The following CTNNA2 variants were observed in gnomAD, a reference collection of about 807,000 sequenced individuals.
CTNNA2 encodes the protein catenin alpha 2, also known as catenin alpha-2.
In CTNNA2, 42 loss-of-function variants were observed where a neutral mutation model predicts 101.0. The ratio of observed to expected loss-of-function variants is 0.42; its 90% CI spans 0.32 to 0.54. CTNNA2 has a LOEUF of 0.54. CTNNA2 is among the 20% of genes least tolerant of loss of function. CTNNA2 has a pLI of 0.14. For synonymous variants in CTNNA2, 450 were observed against 456.4 expected (o/e 0.99, Z 0.18); for missense variants, 871 against 1,223.1 (o/e 0.71, Z 4.29).
At chr2:80,532,080 G>A (rs1305503370) in intron 9 of CTNNA2, among the ~76,000 whole-genome samples, 1 of 152,072 alleles carries the variant, frequency 6.6e-6, no homozygotes, top group Non-Finnish European at 1.5e-5. Flanking sequence ...GTGGTCAGAG[G>A]AAGAAAAGAC....
rs532229534 is a variant in CTNNA2 at position 79,387,796 on chromosome 2, A to G, written c.-135+13783A>G. Among the ~76,000 whole-genome samples the G allele has an allele frequency of 3.3e-5, 5 of 152,328 alleles. No homozygotes were observed. In the South Asian group the frequency reaches 6.2e-4, roughly 19 times the overall value. On this transcript the variant is annotated intron_variant, in intron 4 of 21. Coordinates refer to the CTNNA2 transcript ENST00000466387. ...CTGACATTAAAGTGGGCATTCCAGG[A>G]AGACTCTGGTCCTAGAAAAGAGCTG...
At chr2:79,866,352 C>T (rs1447401475) in intron 4 of CTNNA2, 2 of 152,240 alleles carry the variant, frequency 1.3e-5, no homozygotes, top group Admixed American at 1.3e-4. Context: ...GCAAAGAGTT[C>T]TGGCTTTGGT....
chr2:79,411,003 T>C (rs1395307939), intron 4 of CTNNA2, among the ~76,000 whole-genome samples: 1 of 152,196 alleles, frequency 6.6e-6, no homozygotes, highest in Non-Finnish European at 1.5e-5. Context: ...ACTCAGAGGT[T>C]TAACTTCTTC....
In CTNNA2 at chr2:79,864,354, G is replaced by A. The variant is rs151307513; in HGVS notation, c.466-5462G>A. ...TGAAACACCAGTGATTCTATTGTTG[G>A]TGCATAGTGGGCAAGGTGGGGAGAG... On this transcript the variant is annotated intron_variant, in intron 4 of 18. Transcript: ENST00000402739. Among the ~76,000 whole-genome samples the A allele has an allele frequency of 2.6e-3, 391 of 152,262 alleles. 4 individuals carry two copies. The highest frequency in any genetic ancestry group is 9.0e-3 in the African/African-American group (374 of 41,554).
chr2:79,657,712 C>G (rs1207021672), intron 2 of CTNNA2, among the ~76,000 whole-genome samples: 1 of 151,092 alleles, frequency 6.6e-6, no homozygotes, highest in Admixed American at 6.6e-5. Context: ...AAATAGCACC[C>G]AGCAGTATAT....
At chr2:79,632,936 G>A (rs976309075) in intron 1 of CTNNA2, among the ~76,000 whole-genome samples, 1 of 152,132 alleles carries the variant, frequency 6.6e-6, no homozygotes, top group Admixed American at 6.5e-5. Context: ...GAGTATAGAT[G>A]GCATGAAAAA....
At chr2:80,429,031 T>C (rs1193728643) in intron 9 of CTNNA2, among the ~76,000 whole-genome samples, 2 of 152,184 alleles carry the variant, frequency 1.3e-5, no homozygotes, top group African/African-American at 2.4e-5. Context: ...AATAATACTC[T>C]ATAAGAGCTA....
intron 7 of CTNNA2, among the ~76,000 whole-genome samples, chr2:80,253,692 T>C (rs1671934400): frequency 6.6e-6 from 1 of 152,188 alleles, no homozygotes; most frequent in Non-Finnish European, 1.5e-5. Flanking sequence ...CATTATCATC[T>C]CTTTGAGGAC....
intron 4 of CTNNA2, among the ~76,000 whole-genome samples, chr2:79,860,242 A>AC (rs1243773756): frequency 2.0e-5 from 3 of 152,170 alleles, no homozygotes; most frequent in Non-Finnish European, 2.9e-5. Flanking sequence ...AAATAATACG[A>AC]CTGAACCTAA....
chr2:79,815,513 A>C (rs994223356), intron 3 of CTNNA2, among the ~76,000 whole-genome samples: 1 of 152,186 alleles, frequency 6.6e-6, no homozygotes, highest in Non-Finnish European at 1.5e-5. Flanking sequence ...TTTGTTGAAA[A>C]GAATGTCCTT....
intron 3 of CTNNA2, among the ~76,000 whole-genome samples, chr2:79,814,198 T>A (rs1677279523): frequency 6.6e-6 from 1 of 152,150 alleles, no homozygotes; most frequent in Admixed American, 6.6e-5. Context: ...CGACAAAACT[T>A]TGGAGACACA....
chr2:79,464,904 T>C (rs1163607112), intron 4 of CTNNA2, among the ~76,000 whole-genome samples: 1 of 152,216 alleles, frequency 6.6e-6, no homozygotes, highest in Non-Finnish European at 1.5e-5. Flanking sequence ...GATGAGTAGA[T>C]TGCAAAAATG....
chr2:79,913,262 A>G (rs1685940223), intron 7 of CTNNA2, among the ~76,000 whole-genome samples: 1 of 152,304 alleles, frequency 6.6e-6, no homozygotes, highest in Admixed American at 6.5e-5. Flanking sequence ...TAGATCAAAG[A>G]CTTCTCAGAA....
intron 2 of CTNNA2, among the ~76,000 whole-genome samples, chr2:79,243,003 C>CACACACACACACACACACAT: frequency 7.4e-6 from 1 of 134,330 alleles, no homozygotes; most frequent in South Asian, 2.4e-4. Flanking sequence ...TACACACACA[C>CACACACACACACACACACAT]ACACACACAC....
At chr2:79,853,419 C>A (rs946459740) in intron 3 of CTNNA2, among the ~76,000 whole-genome samples, 3 of 152,152 alleles carry the variant, frequency 2.0e-5, no homozygotes, top group African/African-American at 7.2e-5. Flanking sequence ...CTGAGGTTTT[C>A]ATTTTCTTCA....
chr2:79,279,575 A>C (rs1675307202), intron 2 of CTNNA2, among the ~76,000 whole-genome samples: 1 of 152,142 alleles, frequency 6.6e-6, no homozygotes, highest in South Asian at 2.1e-4. Flanking sequence ...GACACTAGGA[A>C]AAAGATCTTC....
intron 7 of CTNNA2, among the ~76,000 whole-genome samples, chr2:80,191,783 CTACATGGA>C (rs1706522494): frequency 6.6e-6 from 1 of 152,138 alleles, no homozygotes; most frequent in Admixed American, 6.6e-5. Context: ...ATGATGGTGA[CTACATGGA>C]TACTGATTAA....
intron 13 of CTNNA2, among the ~76,000 whole-genome samples, chr2:80,580,831 G>A (rs911158434): frequency 4.6e-5 from 7 of 151,990 alleles, no homozygotes; most frequent in Non-Finnish European, 7.4e-5. Flanking sequence ...CCTGGCCAAC[G>A]TGGTGAAACC....
chr2:80,535,229 C>A (rs1690903343), intron 9 of CTNNA2, among the ~76,000 whole-genome samples: 1 of 152,064 alleles, frequency 6.6e-6, no homozygotes, highest in Non-Finnish European at 1.5e-5. Context: ...TCTGTCTTCC[C>A]ACCAAAATAT....
Sources: gnomAD v4.1 joint callset for allele counts (sites outside exome capture counted in the v4.1 genomes callset) on GRCh38, gnomAD v4.1.1 for gene constraint, MANE v1.5 for transcripts, NCBI Gene and HGNC (gene_info 2026-07-23, HGNC 2026-07-21) for gene names.